The following UPP1 variants were observed in gnomAD, a reference collection of about 807,000 sequenced individuals.
The protein encoded by UPP1 is UPase 1.
A neutral mutation model predicts 29.6 loss-of-function variants in UPP1; 25 were observed. The ratio of observed to expected loss-of-function variants is 0.85; its 90% CI spans 0.62 to 1.18. The LOEUF is 1.18. Among genes scored for constraint, UPP1 ranks in the 50% most tolerant of loss-of-function variants. UPP1 has a pLI of 0.00. For synonymous variants in UPP1, 165 were observed against 159.8 expected (o/e 1.03, Z -0.25); for missense variants, 368 against 410.4 (o/e 0.90, Z 0.89).
intron 4 of UPP1, among the ~76,000 whole-genome samples, chr7:48,101,235 T>TA (rs199622575): frequency 1.3e-5 from 2 of 151,782 alleles, no homozygotes; most frequent in Non-Finnish European, 2.9e-5. Flanking sequence ...CTTACTCACT[T>TA]AAAAAAATTT....
chr7:48,101,316 C>A (rs996919983), intron 4 of UPP1, among the ~76,000 whole-genome samples: 2 of 152,118 alleles, frequency 1.3e-5, no homozygotes, highest in African/African-American at 4.8e-5. Context: ...TGAGAGAGAC[C>A]CATCCAGAAT....
intron 8 of UPP1, among the ~76,000 whole-genome samples, chr7:48,107,873 C>T (rs1368766217): frequency 6.6e-6 from 1 of 152,218 alleles, no homozygotes; most frequent in Non-Finnish European, 1.5e-5. Context: ...GGCCAGCTCA[C>T]AGCTCTGCAG....
Position 48,107,489 on chromosome 7 carries a change from A to G in UPP1, c.775A>G (p.Ser259Gly), listed in dbSNP as rs1330459397. ...GTCCTCGGTGTTTGCCGCCATGTGC[A>G]GCGCCTGCGGCCTCCAAGGTAAGCG... is the stretch of plus-strand genomic sequence containing the variant. Reference protein sequence around the residue: ...MESSVFAAMCSACGLQAAVVC... With the variant: ...MESSVFAAMCGACGLQAAVVC... Residue 259 changes from serine to glycine, a missense_variant, in exon 8 of 9, where the codon AGC becomes GGC. Transcript: ENST00000395564. 3 of 1,611,794 alleles carry G rather than the reference A, an allele frequency of 1.9e-6. No individual in the cohort carries two copies. The African/African-American group carries it at 4.0e-5, about 22-fold the overall frequency.
rs927214418 is a variant in UPP1 at position 48,098,776 on chromosome 7, C to T, written c.45-894C>T. On this transcript the variant is annotated intron_variant, in intron 3 of 8. Coordinates refer to ENST00000395564, the MANE Select transcript of UPP1 (RefSeq NM_003364.4). ...TCTGACATCAGCATCCCATGTCTGC[C>T]TCTGTTTCCTGTAAGGGAGCCCACC... 2.6e-5 allele frequency among the ~76,000 whole-genome samples: 4 copies of T among 152,306 alleles called. No homozygotes were observed. In the East Asian group the frequency reaches 7.7e-4, roughly 29 times the overall value.
chr7:48,103,069 C>G (rs538401995), intron 5 of UPP1, among the ~76,000 whole-genome samples: 1 of 152,266 alleles, frequency 6.6e-6, no homozygotes, highest in African/African-American at 2.4e-5. Flanking sequence ...CAGCTGTTAC[C>G]TATTTGACAA....
intron 2 of UPP1, among the ~76,000 whole-genome samples, chr7:48,091,070 CAG>C (rs1791803912): frequency 6.6e-6 from 1 of 152,092 alleles, no homozygotes; most frequent in Admixed American, 6.5e-5. Context: ...AAATATATAA[CAG>C]AAAATGAAAC....
intron 4 of UPP1, 76 bp from the exon 5 acceptor site, chr7:48,101,748 G>C (rs543213698): frequency 6.7e-7 from 1 of 1,482,510 alleles, no homozygotes; most frequent in Non-Finnish European, 9.1e-7. Context: ...TACTGATGTT[G>C]CTGGTCTAGG....
Position 48,090,380 on chromosome 7 carries a change from A to T in UPP1, c.-22+16A>T, listed in dbSNP as rs886938044. 1 of 152,228 alleles carries T rather than the reference A, an allele frequency of 6.6e-6. No homozygotes were observed. Among genetic ancestry groups the T allele is most frequent in the Admixed American group, 6.5e-5 (1 of 15,284 alleles). The allele number at this position is 152,228 out of a possible 1,614,324, so 9.4% of individuals were successfully genotyped here. A position where few individuals can be genotyped will look rare whatever the true frequency, so the allele number is the denominator to read the frequency against. On this transcript the variant is annotated intron_variant, in intron 2 of 8. Transcript: ENST00000395564. ...TCCTCTGACGGTCAGTTTCAAAGAA[A>T]CACAGTCTGGGATCCGGAGTAGAAA... is the stretch of plus-strand genomic sequence containing the variant.
chr7:48,088,714 A>C (rs1011685726), upstream of UPP1: 4 of 152,516 alleles, frequency 2.6e-5, no homozygotes, highest in African/African-American at 9.6e-5. Context: ...GTCCAGAGAG[A>C]TCCAGGGTAC....
In UPP1 at chr7:48,103,405, G is replaced by C. The variant is rs907159163; in HGVS notation, c.430G>C (p.Gly144Arg). The C allele has an allele frequency of 1.2e-6, 2 of 1,613,688 alleles. No homozygotes were observed. Among genetic ancestry groups the C allele is most frequent in the Non-Finnish European group, 1.7e-6 (2 of 1,179,638 alleles). Residue 144 changes from glycine (G) to arginine (R), a missense_variant, in exon 6 of 9, where the codon GGG becomes CGG. Transcript: ENST00000395564. Reference protein sequence around the residue: ...VTIIRIGTSGGIGLEPGTVVI... With the variant: ...VTIIRIGTSGRIGLEPGTVVI... ...TATCATCCGCATTGGCACTTCTGGT[G>C]GGATAGGTAAGGTCTGCAGAGGGGC...
intron 3 of UPP1, among the ~76,000 whole-genome samples, chr7:48,099,238 G>A (rs187186048): frequency 2.9e-4 from 44 of 152,306 alleles, no homozygotes; most frequent in Non-Finnish European, 5.4e-4. Context: ...TCTCTGGGAG[G>A]TAGGATTAGA....
At chr7:48,096,591 G>A (rs1216465694) in intron 3 of UPP1, among the ~76,000 whole-genome samples, 1 of 152,118 alleles carries the variant, frequency 6.6e-6, no homozygotes, top group Non-Finnish European at 1.5e-5. Context: ...CTCCACATGT[G>A]CTGGTCCTAA....
chr7:48,108,563 G>T lies in UPP1; in HGVS notation c.*206G>T. The T allele has an allele frequency of 1.8e-6, 1 of 551,954 alleles. No individual in the cohort carries two copies. The allele number at this position is 551,954 out of a possible 1,614,324, so 34.2% of individuals were successfully genotyped here. On this transcript the variant is annotated 3_prime_UTR_variant, in exon 9 of 9. Coordinates refer to ENST00000395564, the MANE Select transcript of UPP1 (RefSeq NM_003364.4). ...CATTGGAGCATTTTCAATGATGTTA[G>T]CCTGATTTGGGGTTTCTTCAAGAAC... is the stretch of plus-strand genomic sequence containing the variant.
chr7:48,108,305 G>A lies in UPP1; in HGVS notation c.881G>A (p.Arg294Lys). 1.9e-6 allele frequency: 3 copies of A among 1,614,134 alleles called. No homozygotes were observed. The highest frequency in any genetic ancestry group is 2.5e-6 in the Non-Finnish European group (3 of 1,180,016). ...PRNVLSEYQQ[R>K]PQRLVSYFIK... ...AATGTGCTCAGCGAGTACCAGCAGA[G>A]GCCGCAGCGGCTGGTGAGCTACTTC... is the stretch of plus-strand genomic sequence containing the variant. The change falls in exon 9 of 9, where the codon AGG becomes AAG. Residue 294 changes from arginine to lysine, a missense_variant. By Grantham distance (26) the Arg-to-Lys change is conservative (BLOSUM62 2). Coordinates refer to ENST00000395564, the MANE Select transcript of UPP1 (RefSeq NM_003364.4).
At chr7:48,107,206 C>G (rs1368889892) in intron 7 of UPP1, 124 bp downstream of exon 7, 2 of 1,424,128 alleles carry the variant, frequency 1.4e-6, no homozygotes, top group East Asian at 4.7e-5. Flanking sequence ...TACACTTCGC[C>G]CAGAGTGGTT....
intron 6 of UPP1, chr7:48,106,141 C>G (rs1310034212): frequency 3.9e-5 from 6 of 152,664 alleles, no homozygotes; most frequent in Middle Eastern, 3.4e-3. Context: ...TGCTGGTTTA[C>G]TTTTCAAGTA....
intron 2 of UPP1, among the ~76,000 whole-genome samples, chr7:48,094,430 T>A (rs894199310): frequency 2.6e-5 from 4 of 152,072 alleles, no homozygotes; most frequent in Non-Finnish European, 5.9e-5. Context: ...TGGACAGGCT[T>A]GTCTTGAACT....
intron 6 of UPP1, chr7:48,106,658 A>T: frequency 1.8e-6 from 1 of 542,062 alleles, no homozygotes; most frequent in South Asian, 2.1e-5. Context: ...GTCCATAATG[A>T]TCATGCATTA....
intron 2 of UPP1, 39 bp from the exon 3 acceptor site, chr7:48,094,724 T>C: frequency 6.2e-7 from 1 of 1,600,784 alleles, no homozygotes; most frequent in Non-Finnish European, 8.6e-7. Context: ...TGGTTTCTAC[T>C]GAGTGGATTC....
Sources: gnomAD v4.1 joint callset for allele counts (sites outside exome capture counted in the v4.1 genomes callset) on GRCh38, gnomAD v4.1.1 for gene constraint, MANE v1.5 for transcripts, NCBI Gene and HGNC (gene_info 2026-07-23, HGNC 2026-07-21) for gene names.